CSMD2: variants seen among roughly 807,000 people sequenced by gnomAD.
CSMD2 encodes the protein CUB and sushi domain-containing protein 2.
A neutral mutation model predicts 398.5 loss-of-function variants in CSMD2; 130 were observed. The ratio of observed to expected loss-of-function variants is 0.33; its 90% CI spans 0.28 to 0.38. CSMD2 has a LOEUF of 0.38. CSMD2 is among the 10% of genes least tolerant of loss of function. CSMD2 has a pLI of 1.00. For missense variants in CSMD2, 3,829 were observed against 4,764.9 expected (o/e 0.80, Z 5.78); for synonymous variants, 1,828 against 1,908.5 (o/e 0.96, Z 1.10).
Position 33,879,414 on chromosome 1 carries a change from A to G in CSMD2, c.921-32418T>C, listed in dbSNP as rs559683516. On this transcript the variant is annotated intron_variant, in intron 5 of 70. Coordinates refer to ENST00000373381, the MANE Select transcript of CSMD2 (RefSeq NM_001281956.2). ...CCCCCATGGGCTAGCAGTTTTGTGA[A>G]ACTGTTTCTGGATGGATGGACTTTG... Among the ~76,000 whole-genome samples the G allele has an allele frequency of 5.6e-4, 85 of 152,226 alleles. 1 individual carries two copies. The South Asian group carries it at 0.012, about 22-fold the overall frequency.
chr1:33,967,531 G>T (rs7525542), intron 3 of CSMD2, among the ~76,000 whole-genome samples: 7,982 of 152,086 alleles, frequency 0.052, 310 homozygotes, highest in East Asian at 0.18. Context: ...AGTGATCCAC[G>T]TCCCCCTCTG....
intron 1 of CSMD2, among the ~76,000 whole-genome samples, chr1:34,141,687 C>A (rs956819844): frequency 1.5e-5 from 1 of 66,430 alleles, no homozygotes; most frequent in Non-Finnish European, 5.2e-5. Context: ...GGGGTGAGCA[C>A]ATGGAAAGGA....
At chr1:33,742,445 C>G (rs939721326) in intron 14 of CSMD2, among the ~76,000 whole-genome samples, 4 of 152,158 alleles carry the variant, frequency 2.6e-5, no homozygotes, top group Non-Finnish European at 5.9e-5. Context: ...GTTAATTGCT[C>G]AGATGGACCC....
intron 10 of CSMD2, among the ~76,000 whole-genome samples, chr1:33,809,992 T>C (rs1487726772): frequency 6.6e-6 from 1 of 152,092 alleles, no homozygotes; most frequent in Non-Finnish European, 1.5e-5. Context: ...TACAAGTTTA[T>C]TGCAAGCCAT....
rs397979837 is a variant in CSMD2 at position 33,544,854 on chromosome 1, T to TAC, written c.9100+1181_9100+1182dup. Among the ~76,000 whole-genome samples, 510 of 93,380 alleles carry TAC rather than the reference T, an allele frequency of 5.5e-3. 3 individuals carry two copies. The highest frequency in any genetic ancestry group is 0.032 in the Middle Eastern group (6 of 188). 61.3% of individuals were successfully genotyped at this position (93,380 alleles called of 152,430 possible). Reference sequence around the variant, plus strand: ...ATTTATATATATATATATATATATATACACATATAATCTCTGCCTCACATT... The same window carrying TAC: ...ATTTATATATATATATATATATATATACACACATATAATCTCTGCCTCACATT... On this transcript the variant is annotated intron_variant, in intron 57 of 70. Coordinates refer to ENST00000373381, the MANE Select transcript of CSMD2 (RefSeq NM_001281956.2).
intron 2 of CSMD2, among the ~76,000 whole-genome samples, chr1:34,064,690 C>G (rs1238847232): frequency 6.6e-6 from 1 of 152,198 alleles, no homozygotes; most frequent in Non-Finnish European, 1.5e-5. Context: ...TCCAAAGTTG[C>G]TTCCACATTT....
Position 33,624,575 on chromosome 1 carries a change from G to A in CSMD2, c.5569C>T (p.Leu1857Phe), listed in dbSNP as rs761054138. The change falls in exon 35 of 71, where the codon CTC becomes TTC. Residue 1857 changes from leucine (L) to phenylalanine (F), a missense_variant. This residue lies in a region of CSMD2 where 2,001 missense variants were observed against 2,567.1 expected (regional missense o/e 0.78). Coordinates refer to ENST00000373381, the MANE Select transcript of CSMD2 (RefSeq NM_001281956.2). This position sits in a 1 kb window ranked among gnomAD's most constrained non-coding sequence, Gnocchi z 4.7. ...ILSPGFPEPY[L>F]NSLNCVWKIV... ...TTCCACACACAGTTGAGGCTGTTGA[G>A]GTACGGCTCTGGGAAGCCAGGGGAC... is the stretch of plus-strand genomic sequence containing the variant. 2.5e-6 allele frequency: 4 copies of A among 1,613,928 alleles called. No homozygotes were observed. The highest frequency in any genetic ancestry group is 1.7e-5 in the Admixed American group (1 of 60,004).
At chr1:33,697,475 T>C (rs1338633469) in intron 24 of CSMD2, among the ~76,000 whole-genome samples, 2 of 152,208 alleles carry the variant, frequency 1.3e-5, no homozygotes, top group African/African-American at 4.8e-5. Flanking sequence ...AGGGTCCACT[T>C]AGACCCTCCA....
At chr1:33,844,665 T>C (rs1661187124) in intron 6 of CSMD2, among the ~76,000 whole-genome samples, 1 of 152,238 alleles carries the variant, frequency 6.6e-6, no homozygotes, top group Non-Finnish European at 1.5e-5. Flanking sequence ...TAATGAGACC[T>C]GAGCCAGCTA....
intron 19 of CSMD2, among the ~76,000 whole-genome samples, chr1:33,720,291 C>G (rs1646316311): frequency 6.6e-6 from 1 of 152,168 alleles, no homozygotes; most frequent in Non-Finnish European, 1.5e-5. Flanking sequence ...CCTAGTCTGT[C>G]AGGGAGACTG....
At position 34,163,154 on chromosome 1, in the gene CSMD2, G is replaced by A. The variant is rs1302531919; in HGVS notation, c.187+1757C>T. On this transcript the variant is annotated intron_variant, in intron 1 of 70. Transcript: ENST00000373381. This position sits in a 1 kb window ranked among gnomAD's most constrained non-coding sequence, Gnocchi z 5.4. ...GAAAAACAATTCAGTCCGATGCCGA[G>A]ACATTCTCCAATCAGCTAAGCCAGA... is the stretch of plus-strand genomic sequence containing the variant. 1.3e-5 allele frequency among the ~76,000 whole-genome samples: 2 copies of A among 152,256 alleles called. No individual in the cohort carries two copies. Among genetic ancestry groups the A allele is most frequent in the South Asian group, 2.1e-4 (1 of 4,836 alleles).
intron 41 of CSMD2, among the ~76,000 whole-genome samples, chr1:33,609,272 C>T (rs775180093): frequency 2.6e-5 from 4 of 152,204 alleles, no homozygotes; most frequent in East Asian, 1.9e-4. Context: ...GCACCCACCT[C>T]GTGGGATGCC....
chr1:34,092,583 T>C (rs906522262), intron 1 of CSMD2, among the ~76,000 whole-genome samples: 1 of 152,140 alleles, frequency 6.6e-6, no homozygotes, highest in African/African-American at 2.4e-5. Flanking sequence ...GGGCGAGGCA[T>C]TGCCTCACTC....
At chr1:33,824,332 C>T (rs559291991) in intron 7 of CSMD2, among the ~76,000 whole-genome samples, 68 of 152,320 alleles carry the variant, frequency 4.5e-4, no homozygotes, top group African/African-American at 1.5e-3. Context: ...AGCACCCTGT[C>T]CTTTCCCCTA....
At chr1:33,626,013 G>A (rs1642103332) in intron 33 of CSMD2, among the ~76,000 whole-genome samples, 1 of 152,228 alleles carries the variant, frequency 6.6e-6, no homozygotes, top group Non-Finnish European at 1.5e-5. Flanking sequence ...CCTTACAGGT[G>A]AGCAAACAGG....
chr1:33,650,064 G>A (rs567668210), intron 28 of CSMD2, among the ~76,000 whole-genome samples: 10 of 152,260 alleles, frequency 6.6e-5, no homozygotes, highest in Non-Finnish European at 1.0e-4. Flanking sequence ...AGTCACCGGC[G>A]AAGGGTTTCG....
Position 33,942,194 on chromosome 1 carries a change from G to A in CSMD2, c.518-6240C>T, listed in dbSNP as rs1392817016. Among the ~76,000 whole-genome samples, 11 of 152,312 alleles carry A rather than the reference G, an allele frequency of 7.2e-5. No individual in the cohort carries two copies. In the South Asian group the frequency reaches 1.4e-3, roughly 20 times the overall value. On this transcript the variant is annotated intron_variant, in intron 3 of 70. Coordinates refer to ENST00000373381, the MANE Select transcript of CSMD2 (RefSeq NM_001281956.2). ...TGTTGGAGCATTTATCCAAGGCCAC[G>A]TAGCTCACTGCAGGGGCAGAGGCAG...
intron 2 of CSMD2, among the ~76,000 whole-genome samples, chr1:34,077,329 C>T (rs1298826065): frequency 6.0e-5 from 9 of 149,748 alleles, no homozygotes; most frequent in Non-Finnish European, 1.0e-4. Flanking sequence ...CGGTGGCGGG[C>T]GCCTGTAGTC....
intron 1 of CSMD2, among the ~76,000 whole-genome samples, chr1:34,142,229 C>A (rs1639366264): frequency 6.6e-6 from 1 of 152,156 alleles, no homozygotes; most frequent in African/African-American, 2.4e-5. Context: ...CCCCCTCAGT[C>A]TCCAAATAGG....
Sources: allele counts gnomAD v4.1 joint callset (sites outside exome capture counted in the v4.1 genomes callset), GRCh38; gene constraint gnomAD v4.1.1; regional missense constraint gnomAD v4.1.1; non-coding constraint Gnocchi (gnomAD v3.1); transcripts MANE v1.5; gene names NCBI Gene and HGNC (gene_info 2026-07-23, HGNC 2026-07-21).